Variants in TANC2 observed in about 807,000 individuals in gnomAD.
The protein encoded by TANC2 is protein TANC2.
A neutral mutation model predicts 210.5 loss-of-function variants in TANC2; 26 were observed. The observed-to-expected ratio is 0.12, with a 90% CI of 0.09 to 0.17. The LOEUF (loss-of-function observed/expected upper bound fraction) is 0.17. Ranked by LOEUF, TANC2 falls within the 10% of genes least tolerant of loss-of-function variation. TANC2 has a pLI of 1.00. For synonymous variants in TANC2, 931 were observed against 967.1 expected (o/e 0.96, Z 0.69); for missense variants, 2,129 against 2,608.9 (o/e 0.82, Z 4.01).
chr17:63,010,509 C>T (rs1490905284), intron 2 of TANC2, among the ~76,000 whole-genome samples: 1 of 151,004 alleles, frequency 6.6e-6, no homozygotes, highest in Non-Finnish European at 1.5e-5. Context: ...CTCTGGTAGA[C>T]ACCAACTGTA....
intron 14 of TANC2, among the ~76,000 whole-genome samples, chr17:63,372,003 C>T (rs892926372): frequency 3.3e-5 from 5 of 152,166 alleles, no homozygotes; most frequent in Non-Finnish European, 7.3e-5. Context: ...ATACCACCTT[C>T]TCTGACTTTT....
intron 10 of TANC2, among the ~76,000 whole-genome samples, chr17:63,317,788 G>C (rs1036305886): frequency 1.3e-5 from 2 of 152,178 alleles, no homozygotes; most frequent in Non-Finnish European, 2.9e-5. Flanking sequence ...ATACCAAACA[G>C]AAAGTAAGGT....
chr17:63,134,483 A>C (rs1192446151), intron 4 of TANC2, among the ~76,000 whole-genome samples: 1 of 152,240 alleles, frequency 6.6e-6, no homozygotes, highest in African/African-American at 2.4e-5. Context: ...TGTTGTGTAC[A>C]TGATCACTAA....
intron 3 of TANC2, among the ~76,000 whole-genome samples, chr17:63,098,076 TATG>T (rs1223344877): frequency 6.6e-6 from 1 of 152,134 alleles, no homozygotes; most frequent in Non-Finnish European, 1.5e-5. Flanking sequence ...TCAGTATTCT[TATG>T]AGACTATTTC....
chr17:63,331,948 G>A, intron 11 of TANC2: 1 of 250,976 alleles, frequency 4.0e-6, no homozygotes, highest in Non-Finnish European at 7.8e-6. Context: ...CTCAGTTCCA[G>A]CCGTTAAATA....
chr17:63,281,513 C>T (rs955794769), intron 9 of TANC2, among the ~76,000 whole-genome samples: 9 of 151,990 alleles, frequency 5.9e-5, no homozygotes, highest in Admixed American at 2.0e-4. Context: ...TTATTATAAC[C>T]GAAGAGAATT....
chr17:63,255,015 C>T (rs2054303733), intron 8 of TANC2, among the ~76,000 whole-genome samples: 1 of 151,760 alleles, frequency 6.6e-6, no homozygotes, highest in Admixed American at 6.6e-5. Context: ...TACTCTCCTC[C>T]TCTACTTTTT....
intron 1 of TANC2, chr17:62,967,667 A>G (rs377430433): frequency 1.3e-5 from 2 of 152,208 alleles, no homozygotes; most frequent in East Asian, 1.9e-4. Flanking sequence ...ATTTTTACAC[A>G]GGTGAAAATA....
chr17:63,158,800 G>C (rs377347210), intron 5 of TANC2, among the ~76,000 whole-genome samples: 2 of 152,170 alleles, frequency 1.3e-5, no homozygotes, highest in African/African-American at 4.8e-5. Context: ...AGCATAGCAG[G>C]GTTCTGTGGC....
At chr17:63,325,825 A>C (rs371719061) in intron 11 of TANC2, among the ~76,000 whole-genome samples, 13 of 152,368 alleles carry the variant, frequency 8.5e-5, no homozygotes, top group African/African-American at 3.1e-4. Flanking sequence ...CTTGTTTGAG[A>C]ATCTGGAATT....
chr17:63,125,731 A>T (rs2145176020), intron 4 of TANC2, among the ~76,000 whole-genome samples: 1 of 152,338 alleles, frequency 6.6e-6, no homozygotes, highest in East Asian at 1.9e-4. Flanking sequence ...AGAACCCTTT[A>T]CCAAAAAAGT....
rs773283116 is a variant in TANC2, at chr17:63,420,407, C to T, written c.4677C>T (p.Gly1559=). 5.6e-6 allele frequency: 9 copies of T among 1,613,964 alleles called. No homozygotes were observed. The highest frequency in any genetic ancestry group is 7.6e-6 in the Non-Finnish European group (9 of 1,179,890). The change falls in exon 28 of 28, where the codon GGC becomes GGT. Residue 1559 remains glycine (G), a synonymous_variant. Coordinates refer to ENST00000689528, the Ensembl canonical transcript of TANC2. The surrounding 1 kb of genome is among the most constrained non-coding windows in gnomAD (Gnocchi z 4.2). ...ACTTCCGGTCCAGTAGTTCTGTAGG[C>T]TCTCCCACTAGACAGACCTATCAGT...
At chr17:63,191,225 A>C (rs1370251082) in intron 5 of TANC2, among the ~76,000 whole-genome samples, 1 of 151,892 alleles carries the variant, frequency 6.6e-6, no homozygotes, top group Non-Finnish European at 1.5e-5. Flanking sequence ...CATATTTTAA[A>C]TGAAATGGTT....
At chr17:63,067,760 C>G (rs2144601481) in intron 2 of TANC2, among the ~76,000 whole-genome samples, 1 of 152,074 alleles carries the variant, frequency 6.6e-6, no homozygotes, top group African/African-American at 2.4e-5. Context: ...TTATCCAAAT[C>G]TAAACAATAG....
At chr17:63,385,386 G>C (rs1490427787) in intron 15 of TANC2, among the ~76,000 whole-genome samples, 4 of 152,126 alleles carry the variant, frequency 2.6e-5, no homozygotes, top group Admixed American at 2.6e-4. Flanking sequence ...TAAGCTTCCT[G>C]GTCTTCCAGG....
At chr17:63,346,313 T>G (rs1443141208) in intron 12 of TANC2, among the ~76,000 whole-genome samples, 1 of 152,028 alleles carries the variant, frequency 6.6e-6, no homozygotes, top group Non-Finnish European at 1.5e-5. Context: ...AAAATACCAC[T>G]AAGAAAAAGG....
intron 20 of TANC2, 83 bp from the exon 21 acceptor site, chr17:63,406,071 C>G: frequency 6.4e-7 from 1 of 1,555,196 alleles, no homozygotes; most frequent in Non-Finnish European, 8.7e-7. Flanking sequence ...GTAGGAATTC[C>G]TACAGAGTAA....
chr17:63,075,893 A>T (rs1423360542), intron 3 of TANC2, among the ~76,000 whole-genome samples: 3 of 152,216 alleles, frequency 2.0e-5, no homozygotes, highest in African/African-American at 4.8e-5. Flanking sequence ...AAAAGATGGG[A>T]TGAGTATAAA....
chr17:63,217,541 T>C (rs2042055735), intron 7 of TANC2, among the ~76,000 whole-genome samples: 1 of 152,224 alleles, frequency 6.6e-6, no homozygotes, highest in Non-Finnish European at 1.5e-5. Context: ...AAATAAACTA[T>C]CAGAGCTTAC....
Sources: allele counts gnomAD v4.1 joint callset (sites outside exome capture counted in the v4.1 genomes callset), GRCh38; gene constraint gnomAD v4.1.1; non-coding constraint Gnocchi (gnomAD v3.1); transcripts MANE v1.5; gene names NCBI Gene and HGNC (gene_info 2026-07-23, HGNC 2026-07-21).